TECTB: variants seen among roughly 807,000 people sequenced by gnomAD.
TECTB encodes beta-tectorin.
TECTB carries 45 observed loss-of-function variants against 43.3 expected under a neutral mutation model. The observed-to-expected ratio is 1.04, with a 90% CI of 0.82 to 1.33. TECTB has a LOEUF of 1.33. Among genes scored for constraint, TECTB ranks in the 40% most tolerant of loss-of-function variants. TECTB has a pLI of 0.00. For synonymous variants in TECTB, 169 were observed against 156.7 expected, an observed-to-expected ratio of 1.08 and a Z score of -0.59; for missense variants, 399 against 404.7, an observed-to-expected ratio of 0.99 and a Z score of 0.12.
At chr10:112,289,250 G>A (rs1226367383) in intron 5 of TECTB, among the ~76,000 whole-genome samples, 1 of 152,158 alleles carries the variant, frequency 6.6e-6, no homozygotes, top group Admixed American at 6.5e-5. Context: ...ACTTTATAAG[G>A]CTGAACATCG....
At chr10:112,286,248 T>C in intron 4 of TECTB, 35 bp downstream of exon 4, 1 of 1,614,092 alleles carries the variant, frequency 6.2e-7, no homozygotes. Flanking sequence ...GCTGGCTGCC[T>C]CATGTGTGTA....
chr10:112,283,595 T>C, intron 1 of TECTB, 53 bp from the exon 2 acceptor site: 1 of 720,672 alleles, frequency 1.4e-6, no homozygotes, highest in South Asian at 2.0e-5. Context: ...AGACTGTATG[T>C]GCGGCTTTGT....
chr10:112,290,889 AAAT>A (rs1233955357), intron 5 of TECTB, among the ~76,000 whole-genome samples: 1 of 152,214 alleles, frequency 6.6e-6, no homozygotes, highest in African/African-American at 2.4e-5. Context: ...GCCATCAGTA[AAAT>A]AATGTCAGAG....
chr10:112,298,822 C>T (rs1159626808), intron 8 of TECTB, among the ~76,000 whole-genome samples: 1 of 152,186 alleles, frequency 6.6e-6, no homozygotes, highest in Non-Finnish European at 1.5e-5. Context: ...CTGAGAACCA[C>T]CACTTAGACA....
intron 9 of TECTB, among the ~76,000 whole-genome samples, chr10:112,300,287 G>T (rs1462398833): frequency 1.7e-4 from 12 of 69,342 alleles, no homozygotes; most frequent in East Asian, 9.2e-4. Flanking sequence ...AGAAAAGAAA[G>T]AAAGAAAGAA....
chr10:112,302,379 C>T (rs1228290272), intron 10 of TECTB: 1 of 443,476 alleles, frequency 2.3e-6, no homozygotes, highest in African/African-American at 2.0e-5. Flanking sequence ...CTCACTTCCC[C>T]AAGTCTTAGT....
Position 112,298,158 on chromosome 10 carries a change from T to C in TECTB, c.761T>C (p.Ile254Thr), listed in dbSNP as rs763076172. The C allele has an allele frequency of 4.8e-5, 78 of 1,614,178 alleles. No individual in the cohort carries two copies. Among genetic ancestry groups the C allele is most frequent in the South Asian group, 3.3e-4 (30 of 91,078 alleles). Residue 254 changes from isoleucine (I) to threonine (T), a missense_variant, in exon 8 of 11, where the codon ATC (isoleucine) becomes ACC (threonine). Coordinates refer to ENST00000646139, the MANE Select transcript of TECTB (RefSeq NM_058222.3). ...TTCAATGCTTTCCGGTTCCAGAACA[T>C]CCCCAAACTCTCCAAGGTGTGGTTA... ...FQFNAFRFQNIPKLSKVWLHC... is the reference protein window; with the variant it reads ...FQFNAFRFQNTPKLSKVWLHC...
At chr10:112,287,569 C>T (rs1271095350) in intron 5 of TECTB, among the ~76,000 whole-genome samples, 1 of 152,334 alleles carries the variant, frequency 6.6e-6, no homozygotes, top group Admixed American at 6.5e-5. Context: ...TAACTTTGAA[C>T]TCTTTAAGCT....
At chr10:112,302,545 C>T (rs1234870134) in intron 10 of TECTB, 2 of 397,128 alleles carry the variant, frequency 5.0e-6, no homozygotes, top group African/African-American at 2.1e-5. Context: ...CCTCCATACC[C>T]TAGTTTCCTC....
At chr10:112,302,060 C>A in intron 9 of TECTB, 41 bp from the exon 10 acceptor site, 1 of 1,609,920 alleles carries the variant, frequency 6.2e-7, no homozygotes, top group African/African-American at 1.3e-5. Flanking sequence ...TTTCCATGAT[C>A]TTTTCTTAAA....
chr10:112,294,374 T>G (rs1650474540), intron 7 of TECTB, among the ~76,000 whole-genome samples: 1 of 152,122 alleles, frequency 6.6e-6, no homozygotes, highest in South Asian at 2.1e-4. Context: ...AGGTCTCATA[T>G]TAAATGTGTG....
Position 112,286,192 on chromosome 10 carries a change from A to C in TECTB, c.389A>C (p.Asn130Thr), listed in dbSNP as rs769461568. Residue 130 changes from asparagine to threonine, a missense_variant, in exon 4 of 11, where the codon AAC (asparagine) becomes ACC (threonine). Transcript: ENST00000646139. ...SCTYHSTYLV[N>T]QAAFDQRVAT... The stretch of plus-strand genomic sequence containing the variant: ...ACCTACCACTCCACCTACTTGGTGA[A>C]CCAGGCTGCCTTTGACCAGAGGTAA... 3 of 1,614,148 alleles carry C rather than the reference A, an allele frequency of 1.9e-6. No homozygotes were observed. The Admixed American group carries it at 5.0e-5, about 27-fold the overall frequency.
chr10:112,301,377 A>T (rs1304749758), intron 9 of TECTB, among the ~76,000 whole-genome samples: 1 of 150,890 alleles, frequency 6.6e-6, no homozygotes, highest in Non-Finnish European at 1.5e-5. Flanking sequence ...ACTACACTCT[A>T]GCCTGGGCAA....
intron 5 of TECTB, among the ~76,000 whole-genome samples, chr10:112,289,659 G>C (rs544256204): frequency 2.0e-5 from 3 of 152,152 alleles, no homozygotes; most frequent in Admixed American, 1.3e-4. Flanking sequence ...TCTTGTCTCT[G>C]TTGGTGGTTC....
intron 5 of TECTB, among the ~76,000 whole-genome samples, chr10:112,288,350 T>A (rs1268042092): frequency 1.3e-5 from 2 of 151,866 alleles, no homozygotes; most frequent in Admixed American, 6.6e-5. Flanking sequence ...AAAAAAATAA[T>A]AATAATAAGA....
chr10:112,298,012 G>T (rs1176527166), intron 7 of TECTB, 57 bp from the exon 8 acceptor site: 2 of 1,610,244 alleles, frequency 1.2e-6, no homozygotes, highest in Non-Finnish European at 8.5e-7. Flanking sequence ...TCGCTCAGCA[G>T]CTCTTGCTGG....
At chr10:112,303,112 A>C (rs900021697) in intron 10 of TECTB, 151 bp from the exon 11 acceptor site, 1 of 837,696 alleles carries the variant, frequency 1.2e-6, no homozygotes, top group Non-Finnish European at 2.0e-6. Flanking sequence ...GATAAATGTG[A>C]GCTACAGAAT....
chr10:112,296,874 G>A (rs1848551251), intron 7 of TECTB, among the ~76,000 whole-genome samples: 1 of 152,150 alleles, frequency 6.6e-6, no homozygotes, highest in Non-Finnish European at 1.5e-5. Context: ...ATGCTTCAGA[G>A]TTGCATTAAT....
intron 3 of TECTB, among the ~76,000 whole-genome samples, 195 bp downstream of exon 3, chr10:112,284,920 T>C (rs1377293031): frequency 6.6e-6 from 1 of 152,248 alleles, no homozygotes; most frequent in East Asian, 1.9e-4. Flanking sequence ...ATAACTCTTT[T>C]GGCTTGACTC....
Sources: gnomAD v4.1 joint callset for allele counts (sites outside exome capture counted in the v4.1 genomes callset) on GRCh38, gnomAD v4.1.1 for gene constraint, MANE v1.5 for transcripts, NCBI Gene and HGNC (gene_info 2026-07-23, HGNC 2026-07-21) for gene names.